RAD51B: variants seen among roughly 807,000 people sequenced by gnomAD.
RAD51B encodes DNA repair protein RAD51 homolog 2.
In RAD51B, 38 loss-of-function variants were observed where a neutral mutation model predicts 42.2. The observed-to-expected ratio is 0.90, with a 90% CI of 0.70 to 1.18. RAD51B has a LOEUF of 1.18. RAD51B is among the 50% of genes most tolerant of loss of function. The pLI is 0.00. For missense variants in RAD51B, 373 were observed against 400.7 expected (o/e 0.93, Z 0.59); for synonymous variants, 154 against 145.2 (o/e 1.06, Z -0.43).
intron 8 of RAD51B, among the ~76,000 whole-genome samples, chr14:68,372,505 C>T (rs901795729): frequency 6.6e-6 from 1 of 152,058 alleles, no homozygotes; most frequent in Non-Finnish European, 1.5e-5. Context: ...TTGAGATGCT[C>T]GTCCAAGTGT....
intron 11 of RAD51B, among the ~76,000 whole-genome samples, chr14:68,653,976 CT>C (rs1427963456): frequency 1.3e-5 from 2 of 152,196 alleles, no homozygotes; most frequent in South Asian, 4.1e-4. Context: ...TCTAAAGGGC[CT>C]TGTGTGACTG....
At chr14:68,569,641 G>A (rs955921908) in intron 10 of RAD51B, among the ~76,000 whole-genome samples, 4 of 152,246 alleles carry the variant, frequency 2.6e-5, no homozygotes, top group Admixed American at 1.3e-4. Context: ...TGCCCGCAGA[G>A]AGGGCAAGAT....
chr14:67,961,399 A>T (rs931430970), intron 7 of RAD51B, among the ~76,000 whole-genome samples: 1 of 152,202 alleles, frequency 6.6e-6, no homozygotes, highest in African/African-American at 2.4e-5. Context: ...TTGGTCACTA[A>T]GAAAGTAGGA....
chr14:68,012,382 GA>G, intron 7 of RAD51B, among the ~76,000 whole-genome samples: 1 of 152,128 alleles, frequency 6.6e-6, no homozygotes, highest in East Asian at 1.9e-4. Flanking sequence ...CACAAGTTAA[GA>G]ATGGGTTTAT....
At chr14:68,483,363 C>T (rs1051884006) in intron 10 of RAD51B, among the ~76,000 whole-genome samples, 4 of 152,162 alleles carry the variant, frequency 2.6e-5, no homozygotes, top group Non-Finnish European at 5.9e-5. Context: ...GAAGACCAAA[C>T]AGTTTTGCAG....
intron 8 of RAD51B, among the ~76,000 whole-genome samples, chr14:68,385,189 TG>T (rs1469264852): frequency 2.0e-5 from 3 of 152,250 alleles, no homozygotes; most frequent in Admixed American, 2.0e-4. Context: ...TCCTGTCAGC[TG>T]GGCCTCAGCT....
intron 7 of RAD51B, among the ~76,000 whole-genome samples, chr14:67,984,772 A>G (rs2075154136): frequency 6.6e-6 from 1 of 152,220 alleles, no homozygotes; most frequent in Non-Finnish European, 1.5e-5. Context: ...GGAGCAAAGG[A>G]TGCTCCGTGG....
At chr14:68,095,845 G>A (rs150260792) in intron 7 of RAD51B, among the ~76,000 whole-genome samples, 2,679 of 151,788 alleles carry the variant, frequency 0.018, 68 homozygotes, top group African/African-American at 0.056. Context: ...GCGTGGTGGC[G>A]GGCGCCTGGA....
At chr14:68,651,054 C>T (rs1234242950) in intron 11 of RAD51B, among the ~76,000 whole-genome samples, 1 of 152,108 alleles carries the variant, frequency 6.6e-6, no homozygotes, top group African/African-American at 2.4e-5. Context: ...TAAATATGAC[C>T]CTAAGTAGAA....
chr14:68,289,930 C>T (rs776448797), intron 7 of RAD51B, among the ~76,000 whole-genome samples: 2 of 152,166 alleles, frequency 1.3e-5, no homozygotes, highest in Non-Finnish European at 2.9e-5. Flanking sequence ...ATTATTGCTG[C>T]AGAGTGACTG....
intron 7 of RAD51B, among the ~76,000 whole-genome samples, chr14:67,960,184 A>T (rs1049376426): frequency 2.0e-5 from 3 of 152,208 alleles, no homozygotes; most frequent in Non-Finnish European, 2.9e-5. Context: ...ATACTACTTG[A>T]CAGAAATAAT....
intron 10 of RAD51B, among the ~76,000 whole-genome samples, chr14:68,587,068 G>T (rs1490888936): frequency 6.6e-6 from 1 of 152,070 alleles, no homozygotes; most frequent in Non-Finnish European, 1.5e-5. Flanking sequence ...AGATCCTGAG[G>T]CCAGCAGCCA....
chr14:68,190,957 C>G (rs573148015), intron 7 of RAD51B, among the ~76,000 whole-genome samples: 1 of 152,154 alleles, frequency 6.6e-6, no homozygotes, highest in Non-Finnish European at 1.5e-5. Context: ...ACTCCATTTT[C>G]CTGAGAAATA....
At chr14:67,959,595 CG>C (rs1303211836) in intron 7 of RAD51B, among the ~76,000 whole-genome samples, 1 of 151,916 alleles carries the variant, frequency 6.6e-6, no homozygotes, top group Non-Finnish European at 1.5e-5. Flanking sequence ...AATGGTAAGC[CG>C]GGTATAAATA....
chr14:68,103,761 C>A (rs949538984), intron 7 of RAD51B, among the ~76,000 whole-genome samples: 1 of 152,072 alleles, frequency 6.6e-6, no homozygotes, highest in Non-Finnish European at 1.5e-5. Context: ...CAGACCACTT[C>A]AGATAAGGAG....
At chr14:68,476,555 A>G (rs1882627550) in intron 10 of RAD51B, among the ~76,000 whole-genome samples, 1 of 152,260 alleles carries the variant, frequency 6.6e-6, no homozygotes, top group Non-Finnish European at 1.5e-5. Flanking sequence ...GTGAGAATCC[A>G]GTAAGTCATC....
intron 10 of RAD51B, among the ~76,000 whole-genome samples, chr14:68,544,619 G>A (rs1379801219): frequency 6.6e-6 from 1 of 152,174 alleles, no homozygotes; most frequent in African/African-American, 2.4e-5. Flanking sequence ...AAATGCTCAG[G>A]TCAGGGGTGG....
Position 68,477,775 on chromosome 14 carries a change from T to G in RAD51B, c.*111T>G. Reference sequence around the variant, plus strand: ...AGCTGACATAATGGGGATTAATTAGTTGATTGCTGTTGAGATGGTAACAGA... The same window carrying G: ...AGCTGACATAATGGGGATTAATTAGGTGATTGCTGTTGAGATGGTAACAGA... On this transcript the variant is annotated 3_prime_UTR_variant, in exon 11 of 11. Coordinates refer to ENST00000471583, the MANE Select transcript of RAD51B (RefSeq NM_133510.4). 6.5e-7 allele frequency: 1 copy of G among 1,549,320 alleles called. No individual in the cohort carries two copies. Among genetic ancestry groups the G allele is most frequent in the Non-Finnish European group, 8.7e-7 (1 of 1,152,930 alleles).
intron 7 of RAD51B, among the ~76,000 whole-genome samples, chr14:68,205,279 G>A (rs1272478321): frequency 6.6e-6 from 1 of 152,172 alleles, no homozygotes; most frequent in East Asian, 1.9e-4. Context: ...TGATAAATAT[G>A]TGTAAGATGT....
Sources: allele counts gnomAD v4.1 joint callset (sites outside exome capture counted in the v4.1 genomes callset), GRCh38; gene constraint gnomAD v4.1.1; transcripts MANE v1.5; gene names NCBI Gene and HGNC (gene_info 2026-07-23, HGNC 2026-07-21).